The following KIF26A variants were observed in gnomAD, a reference collection of about 807,000 sequenced individuals.
KIF26A encodes the protein kinesin family member 26A, also known as kinesin-like protein KIF26A.
Under a neutral mutation model 126.0 loss-of-function variants are expected in KIF26A, and 74 were observed. The ratio of observed to expected loss-of-function variants is 0.59; its 90% confidence interval spans 0.49 to 0.71. KIF26A has a LOEUF of 0.71. Among genes scored for constraint, KIF26A ranks in the 30% least tolerant of loss-of-function variants. The pLI, the probability that KIF26A is intolerant of heterozygous loss-of-function variation, is 0.00. For missense variants in KIF26A, 2,984 were observed against 2,763.3 expected (o/e 1.08, Z -1.79); for synonymous variants, 1,445 against 1,232.7 (o/e 1.17, Z -3.61).
intron 4 of KIF26A, among the ~76,000 whole-genome samples, chr14:104,166,222 G>A (rs1171708576): frequency 6.6e-6 from 1 of 152,150 alleles, no homozygotes. Context: ...TGGCTCTAGG[G>A]CCTTGGTGAT....
In KIF26A at chr14:104,180,116, G is replaced by C; in HGVS notation, c.*326G>C. 1 of 269,956 alleles carries C rather than the reference G, an allele frequency of 3.7e-6. No homozygotes were observed. Among genetic ancestry groups the C allele is most frequent in the Non-Finnish European group, 7.0e-6 (1 of 143,564 alleles). 16.7% of individuals were successfully genotyped at this position (269,956 alleles called of 1,614,324 possible). On this transcript the variant is annotated 3_prime_UTR_variant, in exon 15 of 15. Coordinates refer to ENST00000423312, the MANE Select transcript of KIF26A (RefSeq NM_015656.2). The stretch of plus-strand genomic sequence containing the variant: ...GTTGTGTTCAGCCCGGCCCCGCTGC[G>C]CCTGTCCGGGCCGGGGCTGGCGCCG...
chr14:104,173,035 C>T lies in KIF26A; in HGVS notation c.1479C>T (p.Pro493=). The change falls in exon 8 of 15, where the codon CCC becomes CCT. Residue 493 remains proline, a synonymous_variant. Coordinates refer to ENST00000423312, the MANE Select transcript of KIF26A (RefSeq NM_015656.2). Reference sequence around the variant, plus strand: ...CACCCCAGAGCCTGGGCATCGTGCCCTGCGCCATCTCCTGGCTCTTCAGGC... The same window carrying T: ...CACCCCAGAGCCTGGGCATCGTGCCTTGCGCCATCTCCTGGCTCTTCAGGC... ...DSSPQSLGIV[P]CAISWLFRLI... is the part of the protein sequence containing the mutation. The T allele has an allele frequency of 1.2e-6, 2 of 1,606,856 alleles. No individual in the cohort carries two copies. Among genetic ancestry groups the T allele is most frequent in the Non-Finnish European group, 1.7e-6 (2 of 1,177,642 alleles).
chr14:104,173,431 C>G lies in KIF26A; in HGVS notation c.1785C>G (p.Gly595=). Residue 595 remains glycine (G), a synonymous_variant, in exon 9 of 15, where the codon GGC becomes GGG. Coordinates refer to ENST00000423312, the MANE Select transcript of KIF26A (RefSeq NM_015656.2). Reference sequence around the variant, plus strand: ...GCAGCACCAGCCGAGCGGGCTGTGGCGAGGACGCCCGACGCAGCTCCCACA... The same window carrying G: ...GCAGCACCAGCCGAGCGGGCTGTGGGGAGGACGCCCGACGCAGCTCCCACA... ...AARSTSRAGC[G]EDARRSSHML... is the part of the protein sequence containing the mutation. The G allele has an allele frequency of 6.3e-7, 1 of 1,584,292 alleles. No homozygotes were observed. The highest frequency in any genetic ancestry group is 8.6e-7 in the Non-Finnish European group (1 of 1,165,700).
rs2037958966 is a variant in KIF26A, at chr14:104,171,749, C to G, written c.1140C>G (p.Pro380=). Residue 380 remains proline (P), a synonymous_variant, in exon 6 of 15, where the codon CCC becomes CCG. Transcript: ENST00000423312. ...TGAAGGTTATGCTGCGGATCTGGCC[C>G]GCACAGGGGGCCCAGCGCTCGGCCG... ...GKVKVMLRIW[P]AQGAQRSAEA... is the part of the protein sequence containing the mutation. 9 of 1,579,194 alleles carry G rather than the reference C, an allele frequency of 5.7e-6. No individual in the cohort carries two copies. Among genetic ancestry groups the G allele is most frequent in the African/African-American group, 1.3e-5 (1 of 74,282 alleles).
At chr14:104,144,051 T>G (rs1171544865) in intron 2 of KIF26A, among the ~76,000 whole-genome samples, 1 of 152,198 alleles carries the variant, frequency 6.6e-6, no homozygotes, top group East Asian at 1.9e-4. Flanking sequence ...AGCCTCGCTG[T>G]GCAGCCTCTG....
chr14:104,177,345 G>A lies in KIF26A; in HGVS notation c.4557G>A (p.Thr1519=), dbSNP rs569497181. Residue 1519 remains threonine (T), a synonymous_variant, in exon 12 of 15, where the codon ACG becomes ACA. Transcript: ENST00000423312. ...TGGGGCCTTCGGTGAAGCTGTCTAC[G>A]GCCTCTGTGACGGGCAGGAGCCCTG... ...RALGPSVKLS[T]ASVTGRSPGG... is the part of the protein sequence containing the mutation. The A allele has an allele frequency of 1.1e-5, 17 of 1,503,736 alleles. No individual in the cohort carries two copies. Among genetic ancestry groups the A allele is most frequent in the African/African-American group, 2.8e-5 (2 of 72,074 alleles). The allele number at this position is 1,503,736 out of a possible 1,614,324, so 93.1% of individuals were successfully genotyped here. A position where few individuals can be genotyped will look rare whatever the true frequency, so the allele number is the denominator to read the frequency against.
chr14:104,149,347 G>C (rs549974746), intron 2 of KIF26A, among the ~76,000 whole-genome samples: 1 of 152,310 alleles, frequency 6.6e-6, no homozygotes, highest in African/African-American at 2.4e-5. Flanking sequence ...GGCTTTCGCT[G>C]TGGGGCCCGG....
rs2038090563 is a variant in KIF26A, at chr14:104,180,466, G to A, written c.*676G>A. The A allele has an allele frequency of 1.3e-5, 2 of 152,322 alleles. No homozygotes were observed. Among genetic ancestry groups the A allele is most frequent in the South Asian group, 4.1e-4 (2 of 4,824 alleles). The allele number at this position is 152,322 out of a possible 1,614,324, so 9.4% of individuals were successfully genotyped here. ...GCAGGAATTTTTACCAAAACCACAA[G>A]CAAAAAACAAAACAGACCACCACGA... is the stretch of plus-strand genomic sequence containing the variant. On this transcript the variant is annotated 3_prime_UTR_variant, in exon 15 of 15. Transcript: ENST00000423312.
chr14:104,152,486 G>C lies in KIF26A; in HGVS notation c.735+25G>C, dbSNP rs2037739777. The C allele has an allele frequency of 5.3e-6, 8 of 1,520,910 alleles. No homozygotes were observed. Among genetic ancestry groups the C allele is most frequent in the Non-Finnish European group, 6.2e-6 (7 of 1,136,918 alleles). The allele number at this position is 1,520,910 out of a possible 1,614,324, so 94.2% of individuals were successfully genotyped here. On this transcript the variant is annotated intron_variant, in intron 3 of 14. Transcript: ENST00000423312. This position sits in a 1 kb window ranked among gnomAD's most constrained non-coding sequence, Gnocchi z 5.9. ...GGTGAGTGTCTTGCTCAGCGGATGG[G>C]AGCTGCTGGCCTCCTTGTCAGAACT... is the stretch of plus-strand genomic sequence containing the variant.
Position 104,179,853 on chromosome 14 carries a change from G to A in KIF26A, c.*63G>A, listed in dbSNP as rs1253799740. 1 of 1,438,774 alleles carries A rather than the reference G, an allele frequency of 7.0e-7. No individual in the cohort carries two copies. The highest frequency in any genetic ancestry group is 9.2e-7 in the Non-Finnish European group (1 of 1,087,176). The allele number at this position is 1,438,774 out of a possible 1,614,324, so 89.1% of individuals were successfully genotyped here. On this transcript the variant is annotated 3_prime_UTR_variant, in exon 15 of 15. Transcript: ENST00000423312. The stretch of plus-strand genomic sequence containing the variant: ...GCTGGAGGACGGGACGTGGGACGGA[G>A]CGAGGATGTGGTGGGGGCTGCGGGG...
Position 104,165,475 on chromosome 14 carries a change from CTG to C in KIF26A, c.924-1380_924-1379del, listed in dbSNP as rs1477708362. Among the ~76,000 whole-genome samples the C allele has an allele frequency of 1.7e-4, 12 of 71,820 alleles. 1 individual carries two copies. Among genetic ancestry groups the C allele is most frequent in the South Asian group, 7.8e-4 (2 of 2,556 alleles). The allele number at this position is 71,820 out of a possible 152,430, so 47.1% of individuals were successfully genotyped here. On this transcript the variant is annotated intron_variant, in intron 4 of 14. Coordinates refer to ENST00000423312, the MANE Select transcript of KIF26A (RefSeq NM_015656.2). ...TCTGTATGCGTGTGTGTGTGGGCCT[CTG>C]TGTATGTTTCCATGTGCATGTGTGT...
chr14:104,166,664 G>A (rs965513963), intron 4 of KIF26A, among the ~76,000 whole-genome samples, 195 bp from the exon 5 acceptor site: 1 of 150,548 alleles, frequency 6.6e-6, no homozygotes, highest in African/African-American at 2.5e-5. Context: ...CTGGGGCAGG[G>A]ACGCCATGGA....
intron 3 of KIF26A, among the ~76,000 whole-genome samples, chr14:104,155,598 C>T (rs1458652268): frequency 1.3e-5 from 2 of 152,080 alleles, no homozygotes; most frequent in Non-Finnish European, 2.9e-5. Context: ...CTGCCCCCGG[C>T]TCTCGCTTTG....
rs769931742 is a variant in KIF26A at position 104,152,092 on chromosome 14, G to A, written c.366G>A (p.Glu122=). The change falls in exon 3 of 15, where the codon GAG becomes GAA. Residue 122 remains glutamate (E), a synonymous_variant. Transcript: ENST00000423312. The surrounding 1 kb of genome is among the most constrained non-coding windows in gnomAD (Gnocchi z 5.9). ...GALPACRPEA[E]RRCDVCATHL... is the part of the protein sequence containing the mutation. ...TGCCAGCCTGTCGCCCAGAGGCCGAGCGCCGCTGTGACGTCTGCGCCACAC... is the reference window on the plus strand; with the variant it reads ...TGCCAGCCTGTCGCCCAGAGGCCGAACGCCGCTGTGACGTCTGCGCCACAC... 6.2e-7 allele frequency: 1 copy of A among 1,612,540 alleles called. No homozygotes were observed. The highest frequency in any genetic ancestry group is 1.7e-5 in the Admixed American group (1 of 59,996).
At position 104,152,266 on chromosome 14, in the gene KIF26A, A is replaced by G. The variant is rs1332391210; in HGVS notation, c.540A>G (p.Ala180=). 1.3e-6 allele frequency: 2 copies of G among 1,593,256 alleles called. No homozygotes were observed. The highest frequency in any genetic ancestry group is 1.3e-5 in the African/African-American group (1 of 74,592). Residue 180 remains alanine (A), a synonymous_variant, in exon 3 of 15, where the codon GCA becomes GCG. Transcript: ENST00000423312. This position sits in a 1 kb window ranked among gnomAD's most constrained non-coding sequence, Gnocchi z 5.9. ...SRDTPGPAGP[A]GRQPGRAGPD... is the part of the protein sequence containing the mutation. Reference sequence around the variant, plus strand: ...ACACGCCAGGACCAGCGGGTCCTGCAGGGAGGCAGCCAGGACGAGCTGGGC... The same window carrying G: ...ACACGCCAGGACCAGCGGGTCCTGCGGGGAGGCAGCCAGGACGAGCTGGGC...
At position 104,152,602 on chromosome 14, in the gene KIF26A, A is replaced by G. The variant is rs929291315; in HGVS notation, c.735+141A>G. On this transcript the variant is annotated intron_variant, in intron 3 of 14. Coordinates refer to ENST00000423312, the MANE Select transcript of KIF26A (RefSeq NM_015656.2). This position sits in a 1 kb window ranked among gnomAD's most constrained non-coding sequence, Gnocchi z 5.9. ...GACGGCGGGCATGGGGGTTCCTGAC[A>G]CTCCTGAGGCCCCACATCAGATGCA... The G allele has an allele frequency of 8.0e-6, 6 of 752,922 alleles. No individual in the cohort carries two copies. The highest frequency in any genetic ancestry group is 2.9e-5 in the East Asian group (1 of 35,072). 46.6% of individuals were successfully genotyped at this position (752,922 alleles called of 1,614,324 possible).
chr14:104,150,941 G>T (rs571374357), intron 2 of KIF26A, among the ~76,000 whole-genome samples: 1 of 152,190 alleles, frequency 6.6e-6, no homozygotes, highest in East Asian at 1.9e-4. Flanking sequence ...TTGGGGAGGG[G>T]GTGCAGACGC....
rs146977807 is a variant in KIF26A, at chr14:104,179,957, G to A, written c.*167G>A. On this transcript the variant is annotated 3_prime_UTR_variant, in exon 15 of 15. Transcript: ENST00000423312. ...GTGTGGGGGAGGGAGGGCCGGCCAC[G>A]CGGTGGACAGAGCGAGGGTGCCAGG... 211 of 721,914 alleles carry A rather than the reference G, an allele frequency of 2.9e-4. 1 individual carries two copies. The African/African-American group carries it at 2.9e-3, about 10-fold the overall frequency. The allele number at this position is 721,914 out of a possible 1,614,324, so 44.7% of individuals were successfully genotyped here.
chr14:104,153,238 A>T (rs2141096105), intron 3 of KIF26A, among the ~76,000 whole-genome samples: 1 of 152,170 alleles, frequency 6.6e-6, no homozygotes, highest in South Asian at 2.1e-4. Flanking sequence ...TGGCCTTGGC[A>T]CTAGCTGCCC....
Sources: allele counts gnomAD v4.1 joint callset (sites outside exome capture counted in the v4.1 genomes callset), GRCh38; gene constraint gnomAD v4.1.1; non-coding constraint Gnocchi (gnomAD v3.1); transcripts MANE v1.5; gene names NCBI Gene and HGNC (gene_info 2026-07-23, HGNC 2026-07-21).